THSD7B: variants seen among roughly 807,000 people sequenced by gnomAD.
THSD7B encodes thrombospondin type 1 domain containing 7B, also known as thrombospondin type-1 domain-containing protein 7B.
In THSD7B, 138 loss-of-function variants were observed where a neutral mutation model predicts 213.6. The ratio of observed to expected loss-of-function variants is 0.65; its 90% CI spans 0.56 to 0.74. THSD7B has a LOEUF of 0.74. Among genes scored for constraint, THSD7B ranks in the 30% least tolerant of loss-of-function variants. THSD7B has a pLI of 0.00. For synonymous variants in THSD7B, 742 were observed against 687.0 expected, an observed-to-expected ratio of 1.08 and a Z score of -1.25; for missense variants, 1,931 against 1,991.5, an observed-to-expected ratio of 0.97 and a Z score of 0.58.
intron 12 of THSD7B, among the ~76,000 whole-genome samples, chr2:137,311,622 C>G (rs987634498): frequency 2.0e-4 from 30 of 152,066 alleles, no homozygotes; most frequent in Admixed American, 6.6e-5. Context: ...TGCCCATTCA[C>G]TATGATGTTG....
intron 1 of THSD7B, among the ~76,000 whole-genome samples, chr2:136,876,261 A>G (rs1683524863): frequency 6.6e-6 from 1 of 152,240 alleles, no homozygotes; most frequent in African/African-American, 2.4e-5. Flanking sequence ...CATTATATAT[A>G]GAAGACCACT....
intron 2 of THSD7B, among the ~76,000 whole-genome samples, chr2:136,952,789 T>A (rs1192142044): frequency 6.6e-6 from 1 of 152,170 alleles, no homozygotes; most frequent in African/African-American, 2.4e-5. Flanking sequence ...ATTTCACCTT[T>A]GACTTTGTAC....
intron 12 of THSD7B, among the ~76,000 whole-genome samples, chr2:137,320,885 T>C (rs796412278): frequency 7.9e-5 from 12 of 152,358 alleles, no homozygotes; most frequent in African/African-American, 2.9e-4. Flanking sequence ...CCTTCCGCAA[T>C]TCAAAGAATT....
chr2:137,170,837 T>C lies in THSD7B; in HGVS notation c.1622T>C (p.Met541Thr), dbSNP rs1680233049. Residue 541 changes from methionine (M) to threonine (T), a missense_variant, in exon 7 of 28, where the codon ATG (methionine) becomes ACG (threonine). Physicochemically the swap from Met to Thr is moderately conservative, Grantham distance 81. Transcript: ENST00000409968. ...LVESVPCEDP[M>T]CYRWLASEGI... Reference sequence around the variant, plus strand: ...GAGTCTGTTCCTTGTGAGGATCCAATGTGCTACCGATGGCTGGCATCAGAA... The same window carrying C: ...GAGTCTGTTCCTTGTGAGGATCCAACGTGCTACCGATGGCTGGCATCAGAA... The C allele has an allele frequency of 1.2e-6, 2 of 1,613,732 alleles. No individual in the cohort carries two copies. The highest frequency in any genetic ancestry group is 1.7e-6 in the Non-Finnish European group (2 of 1,179,782).
intron 9 of THSD7B, among the ~76,000 whole-genome samples, chr2:137,238,159 T>C (rs928266420): frequency 2.6e-5 from 4 of 152,150 alleles, no homozygotes; most frequent in African/African-American, 9.7e-5. Context: ...CTACTCCTAA[T>C]TGAAGGGGAT....
chr2:136,897,822 A>C (rs1048562665), intron 2 of THSD7B, among the ~76,000 whole-genome samples: 2 of 151,904 alleles, frequency 1.3e-5, no homozygotes, highest in Admixed American at 6.6e-5. Flanking sequence ...ACAAACCTTC[A>C]GCTAGACACA....
At chr2:137,486,962 C>T (rs1688461395) in intron 15 of THSD7B, among the ~76,000 whole-genome samples, 2 of 152,166 alleles carry the variant, frequency 1.3e-5, no homozygotes, top group Admixed American at 6.5e-5. Flanking sequence ...AAAGCCACAA[C>T]ATACCAGAAT....
chr2:137,354,290 A>G (rs1685081535), intron 12 of THSD7B, among the ~76,000 whole-genome samples: 1 of 152,006 alleles, frequency 6.6e-6, no homozygotes, highest in African/African-American at 2.4e-5. Flanking sequence ...TCAGAAAAAA[A>G]ACCTCTTTAC....
At chr2:137,287,257 A>C (rs1325169513) in intron 12 of THSD7B, among the ~76,000 whole-genome samples, 1 of 152,130 alleles carries the variant, frequency 6.6e-6, no homozygotes, top group Admixed American at 6.6e-5. Flanking sequence ...ATGATTTTTA[A>C]GTGGTAAAAA....
At chr2:137,647,030 A>G (rs1683045752) in intron 21 of THSD7B, among the ~76,000 whole-genome samples, 1 of 152,150 alleles carries the variant, frequency 6.6e-6, no homozygotes, top group Non-Finnish European at 1.5e-5. Context: ...TGCACCCTCC[A>G]GCAGCTTATC....
chr2:137,631,073 T>C (rs1682733269), intron 20 of THSD7B, among the ~76,000 whole-genome samples: 1 of 152,182 alleles, frequency 6.6e-6, no homozygotes. Flanking sequence ...CTTCCAAGTG[T>C]CTGGATTGCC....
At chr2:137,027,115 A>T (rs999820334) in intron 2 of THSD7B, among the ~76,000 whole-genome samples, 34 of 152,180 alleles carry the variant, frequency 2.2e-4, no homozygotes, top group African/African-American at 7.2e-4. Flanking sequence ...CTGCGTGGTT[A>T]TTAAATTAAT....
At position 137,272,627 on chromosome 2, in the gene THSD7B, A is replaced by C. The variant is rs374085183; in HGVS notation, c.2361A>C (p.Arg787Ser). 19 of 1,612,086 alleles carry C rather than the reference A, an allele frequency of 1.2e-5. No individual in the cohort carries two copies. The highest frequency in any genetic ancestry group is 6.7e-5 in the Admixed American group (4 of 59,706). Reference protein sequence around the residue: ...QECPDTLYEERECEDVSLCPV... With the variant: ...QECPDTLYEESECEDVSLCPV... The stretch of plus-strand genomic sequence containing the variant: ...GCCCAGATACCTTATATGAGGAGAG[A>C]GAGTGTGAAGATGTTTCCTTGTGTC... Residue 787 changes from arginine to serine, a missense_variant, in exon 11 of 28, where the codon AGA becomes AGC. Arg to Ser is a moderately radical substitution (Grantham distance 110, BLOSUM62 -1). Coordinates refer to ENST00000409968, the MANE Select transcript of THSD7B (RefSeq NM_001316349.2).
At chr2:137,296,704 A>G (rs1367707359) in intron 12 of THSD7B, among the ~76,000 whole-genome samples, 1 of 152,156 alleles carries the variant, frequency 6.6e-6, no homozygotes, top group Non-Finnish European at 1.5e-5. Context: ...TATTTCTAAA[A>G]ATGTCCTCAA....
chr2:136,808,318 G>T (rs921910763), intron 1 of THSD7B, among the ~76,000 whole-genome samples: 2 of 152,140 alleles, frequency 1.3e-5, no homozygotes, highest in African/African-American at 4.8e-5. Context: ...CTCCAGTGAG[G>T]TTATGTCATA....
chr2:136,838,789 T>C (rs1268595991), intron 1 of THSD7B, among the ~76,000 whole-genome samples: 5 of 152,182 alleles, frequency 3.3e-5, no homozygotes, highest in African/African-American at 7.2e-5. Context: ...GATTTGCATG[T>C]GCTTTGGGTA....
At chr2:137,137,794 G>C (rs1679495919) in intron 5 of THSD7B, among the ~76,000 whole-genome samples, 1 of 152,000 alleles carries the variant, frequency 6.6e-6, no homozygotes, top group Admixed American at 6.6e-5. Context: ...TTCATTCTGA[G>C]TAATATTCCA....
chr2:137,588,760 CTTTATTTATTTA>C (rs137892635), intron 17 of THSD7B, among the ~76,000 whole-genome samples: 124 of 147,076 alleles, frequency 8.4e-4, no homozygotes, highest in African/African-American at 2.3e-3. Flanking sequence ...TCATGTTGTC[CTTTATTTATTTA>C]TTTATTTATT....
At chr2:137,353,970 C>T (rs923754838) in intron 12 of THSD7B, among the ~76,000 whole-genome samples, 36 of 152,106 alleles carry the variant, frequency 2.4e-4, no homozygotes, top group African/African-American at 8.4e-4. Flanking sequence ...ACCATCTGGC[C>T]CACTTTTCTA....
Sources: allele counts gnomAD v4.1 joint callset (sites outside exome capture counted in the v4.1 genomes callset), GRCh38; gene constraint gnomAD v4.1.1; transcripts MANE v1.5; gene names NCBI Gene and HGNC (gene_info 2026-07-23, HGNC 2026-07-21).